CCDC167: variants seen among roughly 807,000 people sequenced by gnomAD.
The protein encoded by CCDC167 is coiled-coil domain containing 167, also known as coiled-coil domain-containing protein 167.
CCDC167 carries 15 observed loss-of-function variants against 12.7 expected under a neutral mutation model. The observed-to-expected ratio is 1.18, with a 90% CI of 0.79 to 1.81. The LOEUF (loss-of-function observed/expected upper bound fraction) is 1.81, where lower values mean the gene tolerates loss of function less well. CCDC167 is among the 40% of genes most tolerant of loss of function. CCDC167 has a pLI of 0.00. For synonymous variants in CCDC167, 52 were observed against 49.0 expected (o/e 1.06, Z -0.26); for missense variants, 121 against 120.1 (o/e 1.01, Z -0.03).
At chr6:37,492,945 T>C (rs1378281797) in intron 1 of CCDC167, among the ~76,000 whole-genome samples, 4 of 152,156 alleles carry the variant, frequency 2.6e-5, no homozygotes, top group African/African-American at 7.2e-5. Flanking sequence ...AAGGGATGTT[T>C]TTCTGTGGAG....
intron 3 of CCDC167, among the ~76,000 whole-genome samples, chr6:37,484,222 C>A (rs1433051464): frequency 6.6e-6 from 1 of 152,168 alleles, no homozygotes; most frequent in Non-Finnish European, 1.5e-5. Context: ...GCCTGGTCCC[C>A]CAGGGGAGAA....
chr6:37,491,866 A>G (rs1021911162), intron 1 of CCDC167, among the ~76,000 whole-genome samples: 3 of 152,218 alleles, frequency 2.0e-5, no homozygotes, highest in African/African-American at 7.2e-5. Context: ...GGACTCAGAC[A>G]TAGGTAACTG....
intron 1 of CCDC167, among the ~76,000 whole-genome samples, chr6:37,489,476 C>T (rs1761987970): frequency 6.6e-6 from 1 of 152,188 alleles, no homozygotes; most frequent in Admixed American, 6.5e-5. Flanking sequence ...CGATCCTTCC[C>T]TGGGACAAAG....
chr6:37,493,734 G>T (rs1228545809), intron 1 of CCDC167, among the ~76,000 whole-genome samples: 1 of 152,222 alleles, frequency 6.6e-6, no homozygotes, highest in African/African-American at 2.4e-5. Context: ...ACTCAACTGG[G>T]CCCAGACGTC....
At chr6:37,494,306 G>A (rs1393589344) in intron 1 of CCDC167, among the ~76,000 whole-genome samples, 18 of 152,094 alleles carry the variant, frequency 1.2e-4, no homozygotes, top group East Asian at 1.9e-4. Flanking sequence ...CAGGTGATCC[G>A]CCCGCCTGGG....
At chr6:37,496,313 G>A (rs1762098526) in intron 1 of CCDC167, among the ~76,000 whole-genome samples, 3 of 152,092 alleles carry the variant, frequency 2.0e-5, no homozygotes, top group African/African-American at 7.2e-5. Context: ...CACGCCTGTA[G>A]TCTCAGCTTC....
At chr6:37,494,195 A>G (rs1762067959) in intron 1 of CCDC167, among the ~76,000 whole-genome samples, 1 of 151,226 alleles carries the variant, frequency 6.6e-6, no homozygotes, top group Admixed American at 6.6e-5. Flanking sequence ...CCTCCCGAGT[A>G]GCTGGGATTA....
chr6:37,483,297 G>A lies in CCDC167; in HGVS notation c.191-8C>T. 2 of 1,600,900 alleles carry A rather than the reference G, an allele frequency of 1.2e-6. No individual in the cohort carries two copies. The highest frequency in any genetic ancestry group is 8.6e-7 in the Non-Finnish European group (1 of 1,168,112). On this transcript the variant is annotated splice_polypyrimidine_tract_variant and splice_region_variant and intron_variant, in intron 3 of 3. Coordinates refer to ENST00000373408, the MANE Select transcript of CCDC167 (RefSeq NM_138493.3). ...GAAACTTCAGTTCCTTCTCTGGGAG[G>A]AAAGAGGGTGATAGGGATAGGACAG...
At chr6:37,486,530 C>A (rs1160367906) in intron 1 of CCDC167, among the ~76,000 whole-genome samples, 1 of 152,242 alleles carries the variant, frequency 6.6e-6, no homozygotes, top group South Asian at 2.1e-4. Flanking sequence ...ACTTTTCCTT[C>A]TTCCCGAGGG....
At chr6:37,496,582 G>A (rs1051673316) in intron 1 of CCDC167, among the ~76,000 whole-genome samples, 1 of 152,214 alleles carries the variant, frequency 6.6e-6, no homozygotes, top group African/African-American at 2.4e-5. Context: ...GAATGCCCAA[G>A]AACGAGTTTG....
At chr6:37,499,097 C>T (rs1279636785) in intron 1 of CCDC167, among the ~76,000 whole-genome samples, 1 of 152,188 alleles carries the variant, frequency 6.6e-6, no homozygotes, top group Non-Finnish European at 1.5e-5. Flanking sequence ...TCCCAGGCTC[C>T]ACCACTTCCA....
chr6:37,499,577 T>C (rs1762138411), intron 1 of CCDC167, among the ~76,000 whole-genome samples: 4 of 152,086 alleles, frequency 2.6e-5, no homozygotes. Flanking sequence ...TTCACTTCCA[T>C]GTCTCTTCCT....
intron 3 of CCDC167, 147 bp downstream of exon 3, chr6:37,484,663 G>T: frequency 1.2e-6 from 1 of 845,672 alleles, no homozygotes; most frequent in Non-Finnish European, 1.9e-6. Context: ...GCTGGACCTA[G>T]CAGGGGTGTC....
rs552435837 is a variant in CCDC167 at position 37,484,582 on chromosome 6, A to G, written c.190+228T>C. Among the ~76,000 whole-genome samples the G allele has an allele frequency of 2.6e-5, 4 of 152,304 alleles. No individual in the cohort carries two copies. In the South Asian group the frequency reaches 8.3e-4, roughly 32 times the overall value. ...CCACGGCCACATCCCTTCATCCCAA[A>G]GAGCAGACAGACCCACAGGCGGTCT... On this transcript the variant is annotated intron_variant, in intron 3 of 3. Coordinates refer to ENST00000373408, the MANE Select transcript of CCDC167 (RefSeq NM_138493.3).
In CCDC167 at chr6:37,483,260, T is replaced by G. The variant is rs201946781; in HGVS notation, c.220A>C (p.Asn74His). ...ACAGAGAGCAGCATGTTCTTCCGGTTCTCTTGCCGAAGAAACTTCAGTTCC... is the reference window on the plus strand; with the variant it reads ...ACAGAGAGCAGCATGTTCTTCCGGTGCTCTTGCCGAAGAAACTTCAGTTCC... ...EKELKFLRQE[N>H]RKNMLLSVAI... The change falls in exon 4 of 4, where the codon AAC becomes CAC. Residue 74 changes from asparagine to histidine, a missense_variant. Coordinates refer to ENST00000373408, the MANE Select transcript of CCDC167 (RefSeq NM_138493.3). The G allele has an allele frequency of 7.4e-6, 12 of 1,614,090 alleles. No individual in the cohort carries two copies. The Admixed American group carries it at 1.8e-4, about 25-fold the overall frequency.
rs962742545 is a variant in CCDC167 at position 37,484,708 on chromosome 6, C to T, written c.190+102G>A. 1.4e-5 allele frequency: 19 copies of T among 1,357,668 alleles called. No homozygotes were observed. In the African/African-American group the frequency reaches 2.6e-4, roughly 19 times the overall value. The allele number at this position is 1,357,668 out of a possible 1,614,324, so 84.1% of individuals were successfully genotyped here. On this transcript the variant is annotated intron_variant, in intron 3 of 3. Coordinates refer to ENST00000373408, the MANE Select transcript of CCDC167 (RefSeq NM_138493.3). Reference sequence around the variant, plus strand: ...TGGGGGCTGGTTCCCTCCCAAAGAACCCCCTTGCTCCCTGCTGCCTTGTCA... The same window carrying T: ...TGGGGGCTGGTTCCCTCCCAAAGAATCCCCTTGCTCCCTGCTGCCTTGTCA...
At chr6:37,484,959 G>C (rs1028402007) in intron 2 of CCDC167, 97 bp from the exon 3 acceptor site, 38 of 1,507,652 alleles carry the variant, frequency 2.5e-5, no homozygotes, top group Non-Finnish European at 5.5e-6. Flanking sequence ...GGTCTTGTTC[G>C]GCGGCAGGGG....
Position 37,496,153 on chromosome 6 carries a change from G to A in CCDC167, c.42+3669C>T, listed in dbSNP as rs183598509. ...CCAAGTTTAAAAACGTAAAAATCCG[G>A]CCGAGTGTGGTGGCTCACGCCTGTA... is the stretch of plus-strand genomic sequence containing the variant. On this transcript the variant is annotated intron_variant, in intron 1 of 3. Transcript: ENST00000373408. 4.5e-3 allele frequency among the ~76,000 whole-genome samples: 689 copies of A among 152,316 alleles called. 3 individuals are homozygous for A. The highest frequency in any genetic ancestry group is 8.1e-3 in the South Asian group (39 of 4,826).
At chr6:37,495,824 C>T (rs1045457581) in intron 1 of CCDC167, among the ~76,000 whole-genome samples, 1 of 152,126 alleles carries the variant, frequency 6.6e-6, no homozygotes, top group Non-Finnish European at 1.5e-5. Context: ...TTGATTAAAT[C>T]ACCACTTCAT....
Sources: gnomAD v4.1 joint callset for allele counts (sites outside exome capture counted in the v4.1 genomes callset) on GRCh38, gnomAD v4.1.1 for gene constraint, MANE v1.5 for transcripts, NCBI Gene and HGNC (gene_info 2026-07-23, HGNC 2026-07-21) for gene names.